MYLK3: variants seen among roughly 807,000 people sequenced by gnomAD.
MYLK3 encodes myosin light chain kinase 3.
MYLK3 carries 55 observed loss-of-function variants against 76.3 expected under a neutral mutation model. The observed-to-expected ratio is 0.72, with a 90% CI of 0.58 to 0.90. The LOEUF is 0.90. Ranked by LOEUF, MYLK3 falls within the 40% of genes least tolerant of loss-of-function variation. MYLK3 has a pLI of 0.00. For synonymous variants in MYLK3, 416 were observed against 425.4 expected (o/e 0.98, Z 0.27); for missense variants, 973 against 1,053.6 (o/e 0.92, Z 1.06).
At chr16:46,735,122 CAG>C (rs1966862056) in intron 3 of MYLK3, among the ~76,000 whole-genome samples, 1 of 151,060 alleles carries the variant, frequency 6.6e-6, no homozygotes, top group Non-Finnish European at 1.5e-5. Context: ...GCCTCGGTGA[CAG>C]AGTGAGACCC....
At chr16:46,732,854 T>G (rs1309814947) in intron 3 of MYLK3, among the ~76,000 whole-genome samples, 186 bp from the exon 4 acceptor site, 1 of 152,214 alleles carries the variant, frequency 6.6e-6, no homozygotes, top group Non-Finnish European at 1.5e-5. Context: ...TCCCACCGGA[T>G]GAGGGTCCTG....
chr16:46,707,449 C>A lies in MYLK3; in HGVS notation c.*255G>T. 2.5e-6 allele frequency: 1 copy of A among 407,376 alleles called. No homozygotes were observed. The highest frequency in any genetic ancestry group is 4.4e-6 in the Non-Finnish European group (1 of 228,992). The allele number at this position is 407,376 out of a possible 1,614,324, so 25.2% of individuals were successfully genotyped here. ...CCTAAAGCATCCCTACACTTACCAC[C>A]AAAAGTAGGTATATTTGAAAGGTAC... On this transcript the variant is annotated 3_prime_UTR_variant, in exon 13 of 13. Transcript: ENST00000394809.
At chr16:46,747,155 A>G (rs1967041472) in intron 1 of MYLK3, among the ~76,000 whole-genome samples, 1 of 152,172 alleles carries the variant, frequency 6.6e-6, no homozygotes, top group Non-Finnish European at 1.5e-5. Context: ...TGCAACTCTT[A>G]GGAACAGCCG....
chr16:46,758,892 G>A (rs1967240735), intron 1 of MYLK3, among the ~76,000 whole-genome samples: 2 of 152,164 alleles, frequency 1.3e-5, no homozygotes, highest in Admixed American at 6.5e-5. Context: ...GGGCCGAGGG[G>A]CAGGGACTCC....
At chr16:46,722,716 G>A (rs1481364146) in intron 8 of MYLK3, among the ~76,000 whole-genome samples, 1 of 151,726 alleles carries the variant, frequency 6.6e-6, no homozygotes, top group Non-Finnish European at 1.5e-5. Flanking sequence ...ACCTTTTTTG[G>A]GGTGGGGGTG....
At chr16:46,741,457 T>G (rs1160558876) in intron 1 of MYLK3, among the ~76,000 whole-genome samples, 1 of 152,204 alleles carries the variant, frequency 6.6e-6, no homozygotes, top group East Asian at 1.9e-4. Flanking sequence ...AAGCAAATAT[T>G]TCCAGATGGT....
intron 11 of MYLK3, 135 bp downstream of exon 11, chr16:46,710,499 AAAG>A: frequency 4.2e-6 from 4 of 956,446 alleles, no homozygotes; most frequent in Non-Finnish European, 6.3e-6. Flanking sequence ...TTATTTTTCC[AAAG>A]AAGTAGCAAA....
At chr16:46,737,030 G>A (rs1966871587) in intron 3 of MYLK3, among the ~76,000 whole-genome samples, 1 of 152,238 alleles carries the variant, frequency 6.6e-6, no homozygotes, top group Admixed American at 6.5e-5. Flanking sequence ...GGCTGACTCA[G>A]CCTGCACTCC....
rs571260991 is a variant in MYLK3, at chr16:46,738,845, G to GT, written c.569-703dup. Reference sequence around the variant, plus strand: ...TAGAAGATAGACTTCTCTTTTATTTGTTTTTTATTTTTGAGACAGAGTCTT... The same window carrying GT: ...TAGAAGATAGACTTCTCTTTTATTTGTTTTTTTATTTTTGAGACAGAGTCTT... On this transcript the variant is annotated intron_variant, in intron 2 of 12. Coordinates refer to ENST00000394809, the MANE Select transcript of MYLK3 (RefSeq NM_182493.3). Among the ~76,000 whole-genome samples, 95 of 152,202 alleles carry GT rather than the reference G, an allele frequency of 6.2e-4. 1 individual carries two copies. Among genetic ancestry groups the GT allele is most frequent in the Admixed American group, 4.6e-3 (70 of 15,284 alleles).
rs1005817855 is a variant in MYLK3, at chr16:46,736,505, T to A, written c.1001+1206A>T. On this transcript the variant is annotated intron_variant, in intron 3 of 12. Coordinates refer to ENST00000394809, the MANE Select transcript of MYLK3 (RefSeq NM_182493.3). ...TGAGATAGAGAACTTTTCTTCTCTG[T>A]CAGAATCTTTTGAGGCCCCTAACAA... Among the ~76,000 whole-genome samples the A allele has an allele frequency of 1.2e-4, 19 of 152,176 alleles. 1 individual carries two copies. The highest frequency in any genetic ancestry group is 1.0e-3 in the Admixed American group (16 of 15,270).
At chr16:46,734,111 T>C (rs1241331995) in intron 3 of MYLK3, among the ~76,000 whole-genome samples, 1 of 152,160 alleles carries the variant, frequency 6.6e-6, no homozygotes, top group East Asian at 1.9e-4. Context: ...TGTACACTCA[T>C]AACTGTAGCA....
At chr16:46,747,056 G>A (rs1967038783) in intron 1 of MYLK3, among the ~76,000 whole-genome samples, 1 of 152,140 alleles carries the variant, frequency 6.6e-6, no homozygotes. Flanking sequence ...ACCCCTAGCT[G>A]TCCCCAAACA....
In MYLK3 at chr16:46,706,106, G is replaced by A. The variant is rs1025641998; in HGVS notation, c.*1598C>T. The A allele has an allele frequency of 6.6e-6, 1 of 152,044 alleles. No homozygotes were observed. Among genetic ancestry groups the A allele is most frequent in the Non-Finnish European group, 1.5e-5 (1 of 68,026 alleles). The allele number at this position is 152,044 out of a possible 1,614,324, so 9.4% of individuals were successfully genotyped here. A position where few individuals can be genotyped will look rare whatever the true frequency, so the allele number is the denominator to read the frequency against. On this transcript the variant is annotated 3_prime_UTR_variant, in exon 13 of 13. Transcript: ENST00000394809. ...GACCCTTGAACAATGTGAGGGTTAG[G>A]AGTGCCTACCCCCTTGCAGTAGAAA...
rs368618932 is a variant in MYLK3, at chr16:46,741,953, GT to G, written c.478-1807del. Among the ~76,000 whole-genome samples the G allele has an allele frequency of 7.9e-5, 12 of 152,082 alleles. No individual in the cohort carries two copies. In the South Asian group the frequency reaches 2.5e-3, roughly 32 times the overall value. On this transcript the variant is annotated intron_variant, in intron 1 of 12. Coordinates refer to ENST00000394809, the MANE Select transcript of MYLK3 (RefSeq NM_182493.3). ...CTCCAGCTAATTGTTGGTTGATGTT[GT>G]TTTATAGAGACAAGGTACTCACTTT...
chr16:46,750,034 T>C (rs1340797415), upstream of MYLK3, among the ~76,000 whole-genome samples: 1 of 152,168 alleles, frequency 6.6e-6, no homozygotes, highest in East Asian at 1.9e-4. Context: ...GAAAAGGAAA[T>C]TTGAGGGGTA....
At chr16:46,728,694 C>T (rs777975424) in intron 7 of MYLK3, among the ~76,000 whole-genome samples, 4 of 152,178 alleles carry the variant, frequency 2.6e-5, no homozygotes, top group Non-Finnish European at 5.9e-5. Context: ...GCACTCCAGC[C>T]TGGGTGACAG....
intron 9 of MYLK3, among the ~76,000 whole-genome samples, chr16:46,714,845 T>C (rs886947773): frequency 4.6e-5 from 7 of 152,196 alleles, no homozygotes; most frequent in African/African-American, 1.7e-4. Context: ...AGCCCAACTG[T>C]GCCCAGTCTA....
In MYLK3 at chr16:46,703,803, G is replaced by C. The variant is rs1007259144; in HGVS notation, c.*3901C>G. 6.5e-6 allele frequency: 1 copy of C among 153,722 alleles called. No individual in the cohort carries two copies. The highest frequency in any genetic ancestry group is 2.4e-5 in the African/African-American group (1 of 41,442). The allele number at this position is 153,722 out of a possible 1,614,324, so 9.5% of individuals were successfully genotyped here. On this transcript the variant is annotated 3_prime_UTR_variant, in exon 13 of 13. Coordinates refer to ENST00000394809, the MANE Select transcript of MYLK3 (RefSeq NM_182493.3). ...GCATAAAGGGAAAAAAATTAAAATT[G>C]TTAGATACAGGATTCTCTCTAGATC... is the stretch of plus-strand genomic sequence containing the variant.
At chr16:46,752,382 AT>A (rs1967137607), upstream of MYLK3, among the ~76,000 whole-genome samples, 1 of 152,138 alleles carries the variant, frequency 6.6e-6, no homozygotes, top group South Asian at 2.1e-4. Flanking sequence ...TTACAGGTGC[AT>A]GCCCCCACAC....
Sources: gnomAD v4.1 joint callset for allele counts (sites outside exome capture counted in the v4.1 genomes callset) on GRCh38, gnomAD v4.1.1 for gene constraint, MANE v1.5 for transcripts, NCBI Gene and HGNC (gene_info 2026-07-23, HGNC 2026-07-21) for gene names.